Variants in WASF3 observed in about 807,000 individuals in gnomAD.
The protein encoded by WASF3 is WASP family member 3, also known as actin-binding protein WASF3.
Under a neutral mutation model 46.6 loss-of-function variants are expected in WASF3, and 11 were observed. The ratio of observed to expected loss-of-function variants is 0.24; its 90% confidence interval spans 0.15 to 0.39. WASF3 has a LOEUF of 0.39. Among genes scored for constraint, WASF3 ranks in the 10% least tolerant of loss-of-function variants. The pLI is 1.00. For missense variants in WASF3, 576 were observed against 669.8 expected (o/e 0.86, Z 1.55); for synonymous variants, 242 against 259.7 (o/e 0.93, Z 0.65).
intron 2 of WASF3, among the ~76,000 whole-genome samples, chr13:26,615,361 GGCA>G (rs373964200): frequency 4.6e-4 from 70 of 152,140 alleles, no homozygotes; most frequent in African/African-American, 1.5e-3. Flanking sequence ...CAGGCTGGCA[GGCA>G]GTGGTATAAT....
At chr13:26,585,313 C>T (rs1880097899) in intron 1 of WASF3, among the ~76,000 whole-genome samples, 1 of 145,644 alleles carries the variant, frequency 6.9e-6, no homozygotes, top group South Asian at 2.1e-4. Flanking sequence ...GATGGAGTCC[C>T]TCACTGAGCT....
upstream of WASF3, among the ~76,000 whole-genome samples, chr13:26,555,880 G>A (rs1411946357): frequency 6.6e-6 from 1 of 152,158 alleles, no homozygotes; most frequent in Non-Finnish European, 1.5e-5. Context: ...TTAAGGATGA[G>A]GCACTTATTA....
chr13:26,539,484 A>C, the WASF3 span, among the ~76,000 whole-genome samples: 1 of 152,292 alleles, frequency 6.6e-6, no homozygotes, highest in South Asian at 2.1e-4. Flanking sequence ...TTTTTCCTGA[A>C]GATTTTCCGT....
chr13:26,575,117 T>TGAGC (rs1879756558), intron 1 of WASF3, among the ~76,000 whole-genome samples: 3 of 152,308 alleles, frequency 2.0e-5, no homozygotes, highest in Middle Eastern at 3.4e-3. Flanking sequence ...ATTACAGGCG[T>TGAGC]GAGCCACCGT....
intron 1 of WASF3, among the ~76,000 whole-genome samples, chr13:26,578,944 T>C (rs1471408538): frequency 6.6e-6 from 1 of 151,266 alleles, no homozygotes; most frequent in Non-Finnish European, 1.5e-5. Flanking sequence ...GTAGTTATTA[T>C]ATTGATTTTT....
chr13:26,605,589 A>T (rs891276010), intron 1 of WASF3, among the ~76,000 whole-genome samples: 1 of 152,194 alleles, frequency 6.6e-6, no homozygotes, highest in Non-Finnish European at 1.5e-5. Context: ...AAGTGCTGGA[A>T]TTAAAAAGAA....
chr13:26,650,909 CACAT>C (rs1344045523), intron 3 of WASF3, among the ~76,000 whole-genome samples: 5 of 151,990 alleles, frequency 3.3e-5, no homozygotes, highest in African/African-American at 9.7e-5. Flanking sequence ...AATCGTCTGA[CACAT>C]ACGTAATTGG....
intron 2 of WASF3, among the ~76,000 whole-genome samples, chr13:26,614,467 C>T (rs1038615121): frequency 1.3e-5 from 2 of 152,026 alleles, no homozygotes; most frequent in Non-Finnish European, 2.9e-5. Flanking sequence ...AAAAGGAAAG[C>T]GTAACGTATC....
chr13:26,642,229 G>A, intron 2 of WASF3, 32 bp from the exon 3 acceptor site: 1 of 1,477,244 alleles, frequency 6.8e-7, no homozygotes, highest in Admixed American at 2.6e-5. Context: ...ATGTGAATAT[G>A]AGCTTATAAA....
intron 4 of WASF3, among the ~76,000 whole-genome samples, chr13:26,666,680 A>C (rs1409667035): frequency 6.6e-6 from 1 of 152,060 alleles, no homozygotes; most frequent in Admixed American, 6.6e-5. Flanking sequence ...CAGGCGGATC[A>C]TGAGGTCAGG....
rs115856340 is a variant in WASF3 at position 26,611,447 on chromosome 13, C to A, written c.-108-1514C>A. On this transcript the variant is annotated intron_variant, in intron 1 of 9. Coordinates refer to ENST00000335327, the MANE Select transcript of WASF3 (RefSeq NM_006646.6). ...GTGTTTCACAAAGGAAGAGTTAACA[C>A]GTGATTCTTAAACATAAATGGTCAT... 2.0e-5 allele frequency among the ~76,000 whole-genome samples: 3 copies of A among 152,288 alleles called. No homozygotes were observed. The East Asian group carries it at 5.8e-4, about 29-fold the overall frequency.
the WASF3 span, among the ~76,000 whole-genome samples, chr13:26,552,637 C>T: frequency 1.7e-5 from 2 of 115,660 alleles, no homozygotes; most frequent in Non-Finnish European, 3.5e-5. Context: ...AGAACAAGTA[C>T]AAATGAGCAT....
chr13:26,630,940 T>C (rs1881632944), intron 2 of WASF3, among the ~76,000 whole-genome samples: 1 of 152,280 alleles, frequency 6.6e-6, no homozygotes, highest in Non-Finnish European at 1.5e-5. Context: ...ATGTGTCTGT[T>C]GGCTGCATAA....
chr13:26,553,555 C>T (rs1035112320), upstream of WASF3, among the ~76,000 whole-genome samples: 5 of 152,022 alleles, frequency 3.3e-5, no homozygotes, highest in East Asian at 1.9e-4. Context: ...CGGTGGCTCA[C>T]GCCTGTAATC....
At chr13:26,564,718 T>C (rs1321248910) in intron 1 of WASF3, among the ~76,000 whole-genome samples, 1 of 152,212 alleles carries the variant, frequency 6.6e-6, no homozygotes, top group African/African-American at 2.4e-5. Context: ...TCTTGGCACG[T>C]AGTAGATACT....
At chr13:26,661,799 A>G (rs572117112) in intron 3 of WASF3, among the ~76,000 whole-genome samples, 1 of 152,332 alleles carries the variant, frequency 6.6e-6, no homozygotes, top group African/African-American at 2.4e-5. Flanking sequence ...TTTAAATAGT[A>G]GCATCCTAAT....
chr13:26,642,449 A>G (rs766155728), intron 3 of WASF3, 46 bp downstream of exon 3: 1 of 1,545,692 alleles, frequency 6.5e-7, no homozygotes, highest in Non-Finnish European at 8.7e-7. Context: ...ACTTTTTGTT[A>G]GCAAATTGAT....
intron 7 of WASF3, among the ~76,000 whole-genome samples, 198 bp from the exon 8 acceptor site, chr13:26,680,856 G>C (rs920236062): frequency 1.3e-5 from 2 of 152,130 alleles, no homozygotes; most frequent in African/African-American, 2.4e-5. Context: ...ATGTAACACT[G>C]GGGCTTGCTG....
chr13:26,641,281 G>A (rs769359890), intron 2 of WASF3: 1 of 152,184 alleles, frequency 6.6e-6, no homozygotes, highest in Non-Finnish European at 1.5e-5. Context: ...CTTACCTGGT[G>A]CCTCCTACTC....
Sources: allele counts gnomAD v4.1 joint callset (sites outside exome capture counted in the v4.1 genomes callset), GRCh38; gene constraint gnomAD v4.1.1; transcripts MANE v1.5; gene names NCBI Gene and HGNC (gene_info 2026-07-23, HGNC 2026-07-21).